Variants in TMEM167A observed in about 807,000 individuals in gnomAD.
TMEM167A encodes the protein transmembrane protein 167A, also known as protein kish-A.
A neutral mutation model predicts 11.6 loss-of-function variants in TMEM167A; 8 were observed. The ratio of observed to expected loss-of-function variants is 0.69; its 90% CI spans 0.40 to 1.24. The LOEUF (loss-of-function observed/expected upper bound fraction) is 1.24. Ranked by LOEUF, TMEM167A falls within the 50% of genes most tolerant of loss-of-function variation. The pLI is 0.01. For missense variants in TMEM167A, 62 were observed against 87.0 expected (o/e 0.71, Z 1.14); for synonymous variants, 22 against 28.0 (o/e 0.79, Z 0.67).
At chr5:83,059,964 C>T (rs917695084) in intron 3 of TMEM167A, among the ~76,000 whole-genome samples, 4 of 133,962 alleles carry the variant, frequency 3.0e-5, no homozygotes, top group African/African-American at 1.2e-4. Context: ...GGTAATGATA[C>T]TTATTACAAA....
intron 1 of TMEM167A, among the ~76,000 whole-genome samples, chr5:83,076,841 GAGA>G (rs1256372595): frequency 1.3e-5 from 2 of 152,228 alleles, no homozygotes; most frequent in African/African-American, 4.8e-5. Context: ...TCAAAGTTAA[GAGA>G]AGAAGGTGGA....
At chr5:83,060,358 A>G (rs1744390066) in intron 3 of TMEM167A, among the ~76,000 whole-genome samples, 1 of 152,162 alleles carries the variant, frequency 6.6e-6, no homozygotes, top group African/African-American at 2.4e-5. Flanking sequence ...TTAAGCATAA[A>G]TTCAAAGTTA....
chr5:83,071,265 T>G (rs1002507944), intron 1 of TMEM167A: 2 of 152,190 alleles, frequency 1.3e-5, no homozygotes, highest in Non-Finnish European at 2.9e-5. Flanking sequence ...AAATTTTTAC[T>G]GACATACTAA....
At chr5:83,067,888 A>C (rs569967670) in intron 1 of TMEM167A, among the ~76,000 whole-genome samples, 3 of 152,148 alleles carry the variant, frequency 2.0e-5, no homozygotes, top group Non-Finnish European at 4.4e-5. Context: ...AAAAGACAAA[A>C]ATGATTTGTA....
At chr5:83,077,237 G>T (rs571693367) in intron 1 of TMEM167A, 84 bp downstream of exon 1, 1 of 1,605,950 alleles carries the variant, frequency 6.2e-7, no homozygotes, top group South Asian at 1.1e-5. Context: ...ACACACCCCG[G>T]GCTGCCGCAC....
chr5:83,074,284 T>G (rs1744606085), intron 1 of TMEM167A, among the ~76,000 whole-genome samples: 1 of 152,202 alleles, frequency 6.6e-6, no homozygotes, highest in African/African-American at 2.4e-5. Flanking sequence ...GGATAGAGAT[T>G]GCTGTCCCAC....
intron 1 of TMEM167A, among the ~76,000 whole-genome samples, chr5:83,068,884 G>A (rs1744521468): frequency 6.6e-6 from 1 of 152,106 alleles, no homozygotes; most frequent in Non-Finnish European, 1.5e-5. Context: ...GTTCAGGATT[G>A]GTTTCTAAAT....
chr5:83,071,909 C>T (rs904455305), intron 1 of TMEM167A, among the ~76,000 whole-genome samples: 3 of 152,168 alleles, frequency 2.0e-5, no homozygotes, highest in African/African-American at 7.2e-5. Context: ...CTCACATCTC[C>T]ACTTGTCAGT....
chr5:83,063,650 C>T (rs1048703303), intron 2 of TMEM167A, among the ~76,000 whole-genome samples: 3 of 152,034 alleles, frequency 2.0e-5, no homozygotes, highest in African/African-American at 7.2e-5. Context: ...GTTTTTTCCA[C>T]ATATTTCTCT....
intron 1 of TMEM167A, among the ~76,000 whole-genome samples, chr5:83,066,884 C>G (rs1037612295): frequency 5.1e-4 from 78 of 152,222 alleles, no homozygotes; most frequent in African/African-American, 1.9e-3. Flanking sequence ...GTTATAAAGC[C>G]ATGATGCTCC....
chr5:83,072,936 G>A (rs377442816), intron 1 of TMEM167A, among the ~76,000 whole-genome samples: 1 of 152,252 alleles, frequency 6.6e-6, no homozygotes, highest in African/African-American at 2.4e-5. Flanking sequence ...TAAGATACTT[G>A]CCTTTTAACT....
chr5:83,075,362 A>C lies in TMEM167A; in HGVS notation c.3+1959T>G, dbSNP rs1359476984. On this transcript the variant is annotated intron_variant, in intron 1 of 3. Coordinates refer to ENST00000502346, the MANE Select transcript of TMEM167A (RefSeq NM_174909.5). ...ACAAGGCATTCTGAAATTCTTTAAA[A>C]GTATTAATTCACAAGTGCTACAATT... 3.9e-5 allele frequency among the ~76,000 whole-genome samples: 6 copies of C among 152,224 alleles called. No individual in the cohort carries two copies. The East Asian group carries it at 1.2e-3, about 29-fold the overall frequency.
Position 83,053,633 on chromosome 5 carries a change from AAG to A in TMEM167A, c.*3449_*3450del, listed in dbSNP as rs1744289716. Reference sequence around the variant, plus strand: ...TAATCAACAGGAATGAGAAAAATACAAGACAGTCTAAGATCTAACCTTTGCCT... The same window carrying A: ...TAATCAACAGGAATGAGAAAAATACAACAGTCTAAGATCTAACCTTTGCCT... On this transcript the variant is annotated 3_prime_UTR_variant, in exon 4 of 4. Coordinates refer to ENST00000502346, the MANE Select transcript of TMEM167A (RefSeq NM_174909.5). 1 of 152,000 alleles carries A rather than the reference AAG, an allele frequency of 6.6e-6. No individual in the cohort carries two copies. Among genetic ancestry groups the A allele is most frequent in the South Asian group, 2.1e-4 (1 of 4,824 alleles). The allele number at this position is 152,000 out of a possible 1,614,324, so 9.4% of individuals were successfully genotyped here.
intron 1 of TMEM167A, 132 bp from the exon 2 acceptor site, chr5:83,065,249 C>A (rs1442160681): frequency 8.3e-6 from 5 of 604,274 alleles, no homozygotes; most frequent in Non-Finnish European, 1.5e-5. Context: ...AGTCTGGCAA[C>A]ACTTAAAACC....
Position 83,056,300 on chromosome 5 carries a change from T to C in TMEM167A, c.*784A>G, listed in dbSNP as rs1184149377. The stretch of plus-strand genomic sequence containing the variant: ...CACTAAAAAGAATGAAAAACACATA[T>C]AGGATAATTATTTTATAATTGTTCT... On this transcript the variant is annotated 3_prime_UTR_variant, in exon 4 of 4. Coordinates refer to ENST00000502346, the MANE Select transcript of TMEM167A (RefSeq NM_174909.5). 3.9e-5 allele frequency: 6 copies of C among 152,000 alleles called. No homozygotes were observed. Among genetic ancestry groups the C allele is most frequent in the Admixed American group, 2.0e-4 (3 of 15,230 alleles). The allele number at this position is 152,000 out of a possible 1,614,324, so 9.4% of individuals were successfully genotyped here.
In TMEM167A at chr5:83,077,316, C is replaced by A. The variant is rs543298375; in HGVS notation, c.3+5G>T. ...CAACCGCGACCTGGGAGCCCCACTT[C>A]TTACCATAGCGAGGCCGGCGATGCC... On this transcript the variant is annotated splice_donor_5th_base_variant and intron_variant, in intron 1 of 3. Transcript: ENST00000502346. 3 of 1,614,190 alleles carry A rather than the reference C, an allele frequency of 1.9e-6. No individual in the cohort carries two copies. Among genetic ancestry groups the A allele is most frequent in the African/African-American group, 1.3e-5 (1 of 75,076 alleles).
intron 2 of TMEM167A, among the ~76,000 whole-genome samples, chr5:83,063,226 G>A (rs10061690): frequency 0.37 from 56,280 of 151,790 alleles, 10,811 homozygotes; most frequent in Non-Finnish European, 0.42. Context: ...CACTGGTTGC[G>A]TAACTGTGAG....
chr5:83,058,051 C>T (rs1744357100), intron 3 of TMEM167A, among the ~76,000 whole-genome samples: 1 of 152,108 alleles, frequency 6.6e-6, no homozygotes, highest in South Asian at 2.1e-4. Flanking sequence ...ATGTGCCTGG[C>T]ATCCTCTAGT....
intron 1 of TMEM167A, among the ~76,000 whole-genome samples, chr5:83,065,900 T>C (rs1379528751): frequency 6.6e-6 from 1 of 152,164 alleles, no homozygotes; most frequent in East Asian, 1.9e-4. Context: ...ACTTATTCTA[T>C]TCAAAATTCA....
Sources: gnomAD v4.1 joint callset for allele counts (sites outside exome capture counted in the v4.1 genomes callset) on GRCh38, gnomAD v4.1.1 for gene constraint, MANE v1.5 for transcripts, NCBI Gene and HGNC (gene_info 2026-07-23, HGNC 2026-07-21) for gene names.